The following SGCD variants were observed in gnomAD, a reference collection of about 807,000 sequenced individuals.
SGCD encodes sarcoglycan delta.
In SGCD, 18 loss-of-function variants were observed where a neutral mutation model predicts 36.6. That is an observed-to-expected ratio of 0.49 (90% CI 0.34 to 0.73). The LOEUF is 0.73. SGCD is among the 30% of genes least tolerant of loss of function. SGCD has a pLI of 0.01. For missense variants in SGCD, 387 were observed against 346.7 expected (o/e 1.12, Z -0.92); for synonymous variants, 133 against 130.6 (o/e 1.02, Z -0.12).
chr5:155,843,762 A>G, the SGCD span, among the ~76,000 whole-genome samples: 1 of 152,224 alleles, frequency 6.6e-6, no homozygotes, highest in African/African-American at 2.4e-5. Context: ...GGGGGGCTAC[A>G]GCTAGGACAT....
intron 6 of SGCD, among the ~76,000 whole-genome samples, chr5:156,645,453 A>G (rs529403011): frequency 2.4e-4 from 36 of 152,268 alleles, no homozygotes; most frequent in African/African-American, 8.2e-4. Flanking sequence ...ATCTCATCTC[A>G]TTATAGATGT....
intron 4 of SGCD, among the ~76,000 whole-genome samples, chr5:156,545,238 A>C (rs978254534): frequency 2.6e-5 from 4 of 152,196 alleles, no homozygotes; most frequent in Non-Finnish European, 4.4e-5. Flanking sequence ...CAAACTTGTC[A>C]AAAAGTACCT....
At chr5:156,689,981 A>G (rs10036419) in intron 7 of SGCD, among the ~76,000 whole-genome samples, 6,230 of 152,284 alleles carry the variant, frequency 0.041, 265 homozygotes, top group African/African-American at 0.11. Flanking sequence ...ATAATTCTCA[A>G]AATATTACCC....
intron 4 of SGCD, among the ~76,000 whole-genome samples, chr5:156,529,784 C>A (rs1020145343): frequency 6.6e-6 from 1 of 152,194 alleles, no homozygotes; most frequent in Non-Finnish European, 1.5e-5. Context: ...CTATCAGCAG[C>A]TAAGTGTAAC....
chr5:155,917,811 T>C (rs1756786049), intron 1 of SGCD, among the ~76,000 whole-genome samples: 1 of 150,314 alleles, frequency 6.7e-6, no homozygotes, highest in African/African-American at 2.4e-5. Context: ...TTCTATTTCT[T>C]TTTTTTTTAA....
At position 156,299,975 on chromosome 5, in the gene SGCD, A is replaced by G. The variant is rs150161916; in HGVS notation, c.-43-29559A>G. Among the ~76,000 whole-genome samples, 142 of 152,174 alleles carry G rather than the reference A, an allele frequency of 9.3e-4. 1 individual carries two copies. The highest frequency in any genetic ancestry group is 1.8e-3 in the Non-Finnish European group (123 of 67,958). On this transcript the variant is annotated intron_variant, in intron 3 of 9. Transcript: ENST00000517913. ...TAGGACTTCCAGTACCATGTTGAAT[A>G]ACAGTGGTAAAAGTGGGTATCCTTG...
the SGCD span, among the ~76,000 whole-genome samples, chr5:155,835,049 C>G: frequency 8.2e-6 from 1 of 121,484 alleles, no homozygotes; most frequent in East Asian, 2.8e-4. Flanking sequence ...TCTCTGTCAC[C>G]CAGGCTAGAG....
chr5:156,335,093 T>G (rs919535572), intron 2 of SGCD, among the ~76,000 whole-genome samples: 2 of 152,174 alleles, frequency 1.3e-5, no homozygotes, highest in East Asian at 3.9e-4. Flanking sequence ...CGATCTCCCA[T>G]AGTGTTGCAG....
intron 1 of SGCD, among the ~76,000 whole-genome samples, chr5:156,092,409 T>A (rs1699269512): frequency 6.6e-6 from 1 of 152,212 alleles, no homozygotes; most frequent in African/African-American, 2.4e-5. Flanking sequence ...ACATTCATTT[T>A]TCATAATCAA....
chr5:156,163,955 G>A (rs1036743673), intron 3 of SGCD, among the ~76,000 whole-genome samples: 2 of 150,040 alleles, frequency 1.3e-5, no homozygotes, highest in Non-Finnish European at 2.9e-5. Flanking sequence ...CCCAGGAGGT[G>A]GAGCTTGCAG....
chr5:156,254,794 C>T (rs1187147026), intron 3 of SGCD, among the ~76,000 whole-genome samples: 28 of 152,164 alleles, frequency 1.8e-4, no homozygotes, highest in Non-Finnish European at 4.1e-4. Flanking sequence ...TTGTGGTGAG[C>T]TATGATTACG....
chr5:156,171,660 T>C (rs1032065318), intron 3 of SGCD, among the ~76,000 whole-genome samples: 8 of 152,200 alleles, frequency 5.3e-5, no homozygotes, highest in Admixed American at 5.2e-4. Flanking sequence ...AAGTGTGTAA[T>C]AGGCATACAG....
At chr5:155,996,402 A>G (rs6886073) in intron 1 of SGCD, among the ~76,000 whole-genome samples, 46,277 of 152,062 alleles carry the variant, frequency 0.3, 7,095 homozygotes, top group South Asian at 0.38. Context: ...AAAATTTCAA[A>G]GCCAGCAGTG....
rs930506835 is a variant in SGCD, at chr5:156,767,716, T to A, written c.*8326T>A. ...TTTATTACACTTTCTGTATAAAAAA[T>A]TTGTATTTAATATTATTTCGACCAC... On this transcript the variant is annotated 3_prime_UTR_variant, in exon 9 of 9. Coordinates refer to ENST00000337851, the MANE Select transcript of SGCD (RefSeq NM_000337.6). 6.6e-6 allele frequency: 1 copy of A among 152,216 alleles called. No individual in the cohort carries two copies. The highest frequency in any genetic ancestry group is 2.1e-4 in the South Asian group (1 of 4,824). The allele number at this position is 152,216 out of a possible 1,614,324, so 9.4% of individuals were successfully genotyped here. A position where few individuals can be genotyped will look rare whatever the true frequency, so the allele number is the denominator to read the frequency against.
At chr5:156,450,757 T>G (rs547593379) in intron 3 of SGCD, among the ~76,000 whole-genome samples, 3 of 151,944 alleles carry the variant, frequency 2.0e-5, no homozygotes, top group African/African-American at 7.2e-5. Flanking sequence ...AAATGAAAAC[T>G]AATTAAGAGG....
chr5:155,841,350 C>T, the SGCD span, among the ~76,000 whole-genome samples: 2 of 152,266 alleles, frequency 1.3e-5, no homozygotes, highest in African/African-American at 4.8e-5. Context: ...TGTGTATATG[C>T]ATATATTAAT....
intron 7 of SGCD, among the ~76,000 whole-genome samples, chr5:156,705,894 C>G (rs898043122): frequency 6.6e-6 from 1 of 152,086 alleles, no homozygotes; most frequent in Non-Finnish European, 1.5e-5. Flanking sequence ...TCTTGTCCTT[C>G]GCTACTATTT....
chr5:156,488,104 T>TG (rs1257470468), intron 3 of SGCD, among the ~76,000 whole-genome samples: 3 of 126,286 alleles, frequency 2.4e-5, no homozygotes, highest in East Asian at 2.2e-4. Context: ...ACAGGTTTTT[T>TG]TTTTTTTTTT....
Position 156,482,845 on chromosome 5 carries a change from G to C in SGCD, c.193-25756G>C, listed in dbSNP as rs575466864. Among the ~76,000 whole-genome samples, 31 of 83,794 alleles carry C rather than the reference G, an allele frequency of 3.7e-4. No individual in the cohort carries two copies. The South Asian group carries it at 0.011, about 31-fold the overall frequency. The allele number at this position is 83,794 out of a possible 152,430, so 55.0% of individuals were successfully genotyped here. ...TTTTTTTTTTTTTTTTTTTAAGTAA[G>C]CTGAGACTAGCCATATTTGAATTGT... On this transcript the variant is annotated intron_variant, in intron 3 of 8. Coordinates refer to ENST00000337851, the MANE Select transcript of SGCD (RefSeq NM_000337.6).
Sources: gnomAD v4.1 joint callset for allele counts (sites outside exome capture counted in the v4.1 genomes callset) on GRCh38, gnomAD v4.1.1 for gene constraint, MANE v1.5 for transcripts, NCBI Gene and HGNC (gene_info 2026-07-23, HGNC 2026-07-21) for gene names.